Variants in CLEC17A observed in about 807,000 individuals in gnomAD.
The protein encoded by CLEC17A is C-type lectin domain family 17, member A.
CLEC17A carries 37 observed loss-of-function variants against 61.3 expected under a neutral mutation model. That is an observed-to-expected ratio of 0.60 (90% CI 0.46 to 0.79). The LOEUF is 0.79. CLEC17A is among the 30% of genes least tolerant of loss of function. The pLI is 0.00. For missense variants in CLEC17A, 418 were observed against 464.7 expected (o/e 0.90, Z 0.92); for synonymous variants, 168 against 164.9 (o/e 1.02, Z -0.14).
chr19:14,583,002 C>T (rs117990417), upstream of CLEC17A: 8,722 of 662,230 alleles, frequency 0.013, 70 homozygotes, highest in Non-Finnish European at 0.018. Flanking sequence ...TGTGTGAGCA[C>T]GTGTGAGGTC....
At position 14,595,263 on chromosome 19, in the gene CLEC17A, C is replaced by G. The variant is rs1337598107; in HGVS notation, c.404-11C>G. On this transcript the variant is annotated splice_polypyrimidine_tract_variant and intron_variant, in intron 7 of 13. Coordinates refer to ENST00000417570, the MANE Select transcript of CLEC17A (RefSeq NM_001204118.2). ...ATCTTCTGAATAAACCTCTCTCCCC[C>G]TTTCTCCCAGCTGTGAATCTTGAGC... 1.2e-6 allele frequency: 2 copies of G among 1,613,798 alleles called. No homozygotes were observed. The highest frequency in any genetic ancestry group is 1.3e-5 in the African/African-American group (1 of 74,938).
At chr19:14,598,330 ATC>A (rs1240622591) in intron 10 of CLEC17A, among the ~76,000 whole-genome samples, 66 of 124,928 alleles carry the variant, frequency 5.3e-4, no homozygotes, top group African/African-American at 2.2e-3. Context: ...CTCTCTCACT[ATC>A]TCTTTCTTTC....
intron 5 of CLEC17A, 26 bp from the exon 6 acceptor site, chr19:14,594,606 C>T: frequency 6.2e-7 from 1 of 1,613,786 alleles, no homozygotes. Context: ...TGCTCTGGCC[C>T]TGACCAACCA....
chr19:14,586,510 C>A (rs1210127717), intron 2 of CLEC17A, among the ~76,000 whole-genome samples: 1 of 152,026 alleles, frequency 6.6e-6, no homozygotes, highest in African/African-American at 2.4e-5. Flanking sequence ...GCTGTGTCAA[C>A]CTCCTGAGCT....
intron 13 of CLEC17A, among the ~76,000 whole-genome samples, chr19:14,607,398 T>C (rs1332503773): frequency 2.6e-5 from 4 of 151,286 alleles, no homozygotes; most frequent in African/African-American, 4.9e-5. Flanking sequence ...AGAGACGGGG[T>C]TTCACCGTGT....
At chr19:14,584,212 A>C (rs1341060214) in intron 2 of CLEC17A, 1 of 151,952 alleles carries the variant, frequency 6.6e-6, no homozygotes, top group East Asian at 1.9e-4. Flanking sequence ...GTCTGCACTA[A>C]GTTTGGCATC....
chr19:14,581,321 T>A (rs530294782), upstream of CLEC17A, among the ~76,000 whole-genome samples: 25 of 152,204 alleles, frequency 1.6e-4, no homozygotes, highest in South Asian at 4.1e-3. Flanking sequence ...AAATAATAAT[T>A]ATTATTATTG....
rs71166767 is a variant in CLEC17A at position 14,611,371 on chromosome 19, CTTTTTT to C, written c.*1194_*1199del. 3.9e-5 allele frequency among the ~76,000 whole-genome samples: 3 copies of C among 75,972 alleles called. No individual in the cohort carries two copies. The highest frequency in any genetic ancestry group is 4.9e-5 in the African/African-American group (1 of 20,556). The allele number at this position is 75,972 out of a possible 152,430, so 49.8% of individuals were successfully genotyped here. A position where few individuals can be genotyped will look rare whatever the true frequency, so the allele number is the denominator to read the frequency against. The stretch of plus-strand genomic sequence containing the variant: ...AGACTTGGCCCGTGGAACTTCTATC[CTTTTTT>C]TTTTTTTTTTTTTTTTTTGAGATAG... On this transcript the variant is annotated 3_prime_UTR_variant, in exon 14 of 14. Transcript: ENST00000417570.
chr19:14,595,429 C>A, intron 8 of CLEC17A, 114 bp downstream of exon 8: 1 of 1,145,478 alleles, frequency 8.7e-7, no homozygotes, highest in Non-Finnish European at 1.3e-6. Context: ...GCTGCTCCTT[C>A]AGGACCTGCT....
Position 14,610,393 on chromosome 19 carries a change from G to A in CLEC17A, c.*197G>A, listed in dbSNP as rs1568466178. On this transcript the variant is annotated 3_prime_UTR_variant, in exon 14 of 14. Transcript: ENST00000417570. ...AGAGTGAGGACTTGGGCTTGCCCTA[G>A]TAGATGGTGAGCTGGGAGGATGCTC... The A allele has an allele frequency of 1.1e-5, 7 of 666,366 alleles. No individual in the cohort carries two copies. The East Asian group carries it at 1.7e-4, about 16-fold the overall frequency. 41.3% of individuals were successfully genotyped at this position (666,366 alleles called of 1,614,324 possible).
In CLEC17A at chr19:14,611,371, CTTTTTTT is replaced by C. The variant is rs71166767; in HGVS notation, c.*1193_*1199del. Among the ~76,000 whole-genome samples, 2 of 75,972 alleles carry C rather than the reference CTTTTTTT, an allele frequency of 2.6e-5. No individual in the cohort carries two copies. The highest frequency in any genetic ancestry group is 4.9e-5 in the African/African-American group (1 of 20,556). The allele number at this position is 75,972 out of a possible 152,430, so 49.8% of individuals were successfully genotyped here. A position where few individuals can be genotyped will look rare whatever the true frequency, so the allele number is the denominator to read the frequency against. ...AGACTTGGCCCGTGGAACTTCTATC[CTTTTTTT>C]TTTTTTTTTTTTTTTTTGAGATAGG... On this transcript the variant is annotated 3_prime_UTR_variant, in exon 14 of 14. Coordinates refer to ENST00000417570, the MANE Select transcript of CLEC17A (RefSeq NM_001204118.2).
chr19:14,587,846 A>G (rs1254201176), intron 3 of CLEC17A, among the ~76,000 whole-genome samples, 155 bp downstream of exon 3: 3 of 152,144 alleles, frequency 2.0e-5, no homozygotes, highest in African/African-American at 4.8e-5. Context: ...AGGACCTGTC[A>G]GTCTGATGGC....
chr19:14,594,735 A>G, intron 6 of CLEC17A, 24 bp from the exon 7 acceptor site: 2 of 1,613,974 alleles, frequency 1.2e-6, no homozygotes, highest in Non-Finnish European at 1.7e-6. Flanking sequence ...GCCCTTCTTG[A>G]AATGACTTTC....
At chr19:14,597,197 A>T (rs780388468) in intron 10 of CLEC17A, 36 bp downstream of exon 10, 1 of 1,567,134 alleles carries the variant, frequency 6.4e-7, no homozygotes. Context: ...TGCCACTCCT[A>T]TTGAGCCCTA....
chr19:14,583,283 G>A (rs2074208475), intron 1 of CLEC17A, 74 bp from the exon 2 acceptor site: 1 of 1,612,612 alleles, frequency 6.2e-7, no homozygotes, highest in African/African-American at 1.3e-5. Flanking sequence ...TGGGGCAGCT[G>A]AGGCAGAGAC....
intron 11 of CLEC17A, 72 bp from the exon 12 acceptor site, chr19:14,599,959 A>T: frequency 3.2e-6 from 5 of 1,572,580 alleles, no homozygotes; most frequent in Non-Finnish European, 4.3e-6. Flanking sequence ...AGCCTGCACA[A>T]CTGTACATGG....
At chr19:14,585,728 A>G (rs1347285765) in intron 2 of CLEC17A, among the ~76,000 whole-genome samples, 1 of 147,398 alleles carries the variant, frequency 6.8e-6, no homozygotes, top group African/African-American at 2.5e-5. Flanking sequence ...AAGCCTGCAG[A>G]TGACTTGCAG....
chr19:14,600,267 A>C (rs2146720592), intron 12 of CLEC17A, 85 bp downstream of exon 12: 4 of 1,485,764 alleles, frequency 2.7e-6, no homozygotes, highest in Non-Finnish European at 2.7e-6. Flanking sequence ...CCTTCCCTGG[A>C]TGGCAAGAAA....
intron 2 of CLEC17A, among the ~76,000 whole-genome samples, chr19:14,587,411 G>A (rs185940003): frequency 2.0e-5 from 3 of 152,250 alleles, no homozygotes; most frequent in Non-Finnish European, 4.4e-5. Flanking sequence ...TGGTGTTAGC[G>A]GTAGCCATGC....
Sources: gnomAD v4.1 joint callset for allele counts (sites outside exome capture counted in the v4.1 genomes callset) on GRCh38, gnomAD v4.1.1 for gene constraint, MANE v1.5 for transcripts, NCBI Gene and HGNC (gene_info 2026-07-23, HGNC 2026-07-21) for gene names.